PARD6B: variants seen among roughly 807,000 people sequenced by gnomAD.
PARD6B encodes partitioning defective 6 homolog beta.
A neutral mutation model predicts 10.5 loss-of-function variants in PARD6B; 4 were observed. The observed-to-expected ratio is 0.38, with a 90% confidence interval of 0.19 to 0.87. The LOEUF (loss-of-function observed/expected upper bound fraction) is 0.87. Among genes scored for constraint, PARD6B ranks in the 40% least tolerant of loss-of-function variants. The pLI, the probability that PARD6B is intolerant of heterozygous loss-of-function variation, is 0.41. For synonymous variants in PARD6B, 169 were observed against 170.4 expected (o/e 0.99, Z 0.07); for missense variants, 396 against 470.6 (o/e 0.84, Z 1.47).
At chr20:50,742,718 A>G in intron 2 of PARD6B, among the ~76,000 whole-genome samples, 1 of 152,152 alleles carries the variant, frequency 6.6e-6, no homozygotes, top group East Asian at 1.9e-4. Context: ...ATTTAAAACT[A>G]TGTGATCTTT....
Position 50,750,975 on chromosome 20 carries a change from T to TC in PARD6B, c.*487_*488insC. 1.9e-6 allele frequency: 1 copy of TC among 521,316 alleles called. No individual in the cohort carries two copies. Among genetic ancestry groups the TC allele is most frequent in the Non-Finnish European group, 2.4e-6 (1 of 419,458 alleles). The allele number at this position is 521,316 out of a possible 1,614,324, so 32.3% of individuals were successfully genotyped here. On this transcript the variant is annotated 3_prime_UTR_variant, in exon 3 of 3. Transcript: ENST00000371610. ...TTTGATTTTTTTTTTTTTTTTTTTTTTTTTTTTTTTTAGTGACTGGGTCTC... is the reference window on the plus strand; with the variant it reads ...TTTGATTTTTTTTTTTTTTTTTTTTTCTTTTTTTTTTTAGTGACTGGGTCTC...
In PARD6B at chr20:50,749,699, A is replaced by G; in HGVS notation, c.330A>G (p.Ile110Met). ...DYSAFGTDTLIKKKNVLTNVL... is the reference protein window; with the variant it reads ...DYSAFGTDTLMKKKNVLTNVL... The stretch of plus-strand genomic sequence containing the variant: ...GTGCCTTTGGTACAGACACGCTAAT[A>G]AAGAAGAAGAATGTTTTAACCAACG... The change falls in exon 3 of 3, where the codon ATA becomes ATG. Residue 110 changes from isoleucine (I) to methionine (M), a missense_variant. Transcript: ENST00000371610. 1 of 1,610,912 alleles carries G rather than the reference A, an allele frequency of 6.2e-7. No homozygotes were observed. The highest frequency in any genetic ancestry group is 1.1e-5 in the South Asian group (1 of 90,336).
chr20:50,753,483 A>C lies in PARD6B; in HGVS notation c.*2995A>C. ...GTGAATTTTGTTCTGTATCTTAAGT[A>C]AATTTATGATAATGTTCTCGAGCTA... On this transcript the variant is annotated 3_prime_UTR_variant, in exon 3 of 3. Coordinates refer to ENST00000371610, the MANE Select transcript of PARD6B (RefSeq NM_032521.3). The C allele has an allele frequency of 1.0e-6, 1 of 973,562 alleles. No individual in the cohort carries two copies. 60.3% of individuals were successfully genotyped at this position (973,562 alleles called of 1,614,324 possible).
Position 50,750,614 on chromosome 20 carries a change from T to TA in PARD6B, c.*127dup. ...CATGAGACGAGTAACGTTGCAAGCTTACAATATTATTAAAGTAGTAGTTTG... is the reference window on the plus strand; with the variant it reads ...CATGAGACGAGTAACGTTGCAAGCTTAACAATATTATTAAAGTAGTAGTTTG... On this transcript the variant is annotated 3_prime_UTR_variant, in exon 3 of 3. Coordinates refer to ENST00000371610, the MANE Select transcript of PARD6B (RefSeq NM_032521.3). 7.0e-7 allele frequency: 1 copy of TA among 1,428,898 alleles called. No homozygotes were observed. The highest frequency in any genetic ancestry group is 9.1e-7 in the Non-Finnish European group (1 of 1,095,740). The allele number at this position is 1,428,898 out of a possible 1,614,324, so 88.5% of individuals were successfully genotyped here.
rs565068464 is a variant in PARD6B, at chr20:50,750,954, A to ATTTTTT, written c.*493_*498dup. ...CTCATGTTCCCAATATTTTATTTTGATTTTTTTTTTTTTTTTTTTTTTTTT... is the reference window on the plus strand; with the variant it reads ...CTCATGTTCCCAATATTTTATTTTGATTTTTTTTTTTTTTTTTTTTTTTTTTTTTTT... On this transcript the variant is annotated 3_prime_UTR_variant, in exon 3 of 3. Transcript: ENST00000371610. The ATTTTTT allele has an allele frequency of 8.8e-4, 340 of 387,766 alleles. 23 individuals carry two copies. Among genetic ancestry groups the ATTTTTT allele is most frequent in the African/African-American group, 2.3e-3 (62 of 27,478 alleles). The allele number at this position is 387,766 out of a possible 1,614,324, so 24.0% of individuals were successfully genotyped here.
chr20:50,752,090 T>C lies in PARD6B; in HGVS notation c.*1602T>C. On this transcript the variant is annotated 3_prime_UTR_variant, in exon 3 of 3. Coordinates refer to ENST00000371610, the MANE Select transcript of PARD6B (RefSeq NM_032521.3). ...CTTTCATATTTTCAAATTAATTCTG[T>C]ATGGCTATATAATTTATGTTTTAAA... 1.0e-6 allele frequency: 1 copy of C among 984,928 alleles called. No homozygotes were observed. 61.0% of individuals were successfully genotyped at this position (984,928 alleles called of 1,614,324 possible). A position where few individuals can be genotyped will look rare whatever the true frequency, so the allele number is the denominator to read the frequency against.
At chr20:50,733,374 A>G (rs1026540897) in intron 1 of PARD6B, among the ~76,000 whole-genome samples, 3 of 152,110 alleles carry the variant, frequency 2.0e-5, no homozygotes, top group African/African-American at 7.2e-5. Context: ...CAGTGAGCCA[A>G]GTTTGCACCA....
intron 2 of PARD6B, among the ~76,000 whole-genome samples, chr20:50,738,677 A>G (rs1050658233): frequency 2.6e-5 from 4 of 152,238 alleles, no homozygotes; most frequent in Non-Finnish European, 2.9e-5. Context: ...GATACTTTTT[A>G]AAGAAATTGT....
Position 50,750,095 on chromosome 20 carries a change from C to T in PARD6B, c.726C>T (p.Leu242=), listed in dbSNP as rs767364748. Residue 242 remains leucine (L), a synonymous_variant, in exon 3 of 3, where the codon CTC becomes CTT. Transcript: ENST00000371610. ...TGATGATTGCAAATAGCCGTAACCT[C>T]ATCATAACAGTGAGACCGGCAAACC... ...TDMMIANSRN[L]IITVRPANQR... is the part of the protein sequence containing the mutation. 1.2e-6 allele frequency: 2 copies of T among 1,614,216 alleles called. No individual in the cohort carries two copies. The highest frequency in any genetic ancestry group is 1.7e-6 in the Non-Finnish European group (2 of 1,180,046).
At position 50,734,034 on chromosome 20, in the gene PARD6B, G is replaced by T. The variant is rs148509209; in HGVS notation, c.66+2182G>T. 3.9e-3 allele frequency among the ~76,000 whole-genome samples: 589 copies of T among 152,266 alleles called. 2 individuals are homozygous for T. The highest frequency in any genetic ancestry group is 0.013 in the African/African-American group (542 of 41,544). ...CCATACTGCACTTTCAGCTAACTGT[G>T]TCTTTTAAATAGAATCATACACTGA... is the stretch of plus-strand genomic sequence containing the variant. On this transcript the variant is annotated intron_variant, in intron 1 of 2. Transcript: ENST00000371610.
At position 50,752,156 on chromosome 20, in the gene PARD6B, T is replaced by G. The variant is rs905600409; in HGVS notation, c.*1668T>G. ...CTTTGGAAATATGGAAGTCTCTCCTTTAACCTATTCTTGTTCCCATTCCCA... is the reference window on the plus strand; with the variant it reads ...CTTTGGAAATATGGAAGTCTCTCCTGTAACCTATTCTTGTTCCCATTCCCA... On this transcript the variant is annotated 3_prime_UTR_variant, in exon 3 of 3. Coordinates refer to ENST00000371610, the MANE Select transcript of PARD6B (RefSeq NM_032521.3). The G allele has an allele frequency of 1.2e-5, 12 of 985,540 alleles. No homozygotes were observed. Among genetic ancestry groups the G allele is most frequent in the Non-Finnish European group, 1.4e-5 (12 of 829,764 alleles). The allele number at this position is 985,540 out of a possible 1,614,324, so 61.0% of individuals were successfully genotyped here.
At chr20:50,736,972 A>G (rs978687394) in intron 1 of PARD6B, among the ~76,000 whole-genome samples, 2 of 152,232 alleles carry the variant, frequency 1.3e-5, no homozygotes, top group Non-Finnish European at 2.9e-5. Flanking sequence ...TGCTGGGATT[A>G]CAGATGTGAG....
At chr20:50,743,854 A>C (rs1175324462) in intron 2 of PARD6B, among the ~76,000 whole-genome samples, 3 of 148,772 alleles carry the variant, frequency 2.0e-5, no homozygotes, top group Non-Finnish European at 4.4e-5. Flanking sequence ...GCGCCACTGC[A>C]CTCCAGCCTG....
At chr20:50,745,037 C>T (rs542065307) in intron 2 of PARD6B, among the ~76,000 whole-genome samples, 8 of 152,276 alleles carry the variant, frequency 5.3e-5, no homozygotes, top group Admixed American at 2.6e-4. Flanking sequence ...AGTCAGTGTT[C>T]GTTAAATATT....
Position 50,750,340 on chromosome 20 carries a change from A to G in PARD6B, c.971A>G (p.Glu324Gly). Residue 324 changes from glutamate (E) to glycine (G), a missense_variant, in exon 3 of 3, where the codon GAG becomes GGG. Glu to Gly is a moderately conservative substitution (Grantham distance 98). Coordinates refer to ENST00000371610, the MANE Select transcript of PARD6B (RefSeq NM_032521.3). ...TESLESLTQIELSFESGQNGF... is the reference protein window; with the variant it reads ...TESLESLTQIGLSFESGQNGF... Reference sequence around the variant, plus strand: ...AGCCTGGAGTCATTAACACAGATAGAGCTAAGCTTTGAGTCTGGACAGAAT... The same window carrying G: ...AGCCTGGAGTCATTAACACAGATAGGGCTAAGCTTTGAGTCTGGACAGAAT... The G allele has an allele frequency of 6.2e-7, 1 of 1,614,188 alleles. No homozygotes were observed. The highest frequency in any genetic ancestry group is 8.5e-7 in the Non-Finnish European group (1 of 1,180,028).
rs1040017299 is a variant in PARD6B at position 50,752,787 on chromosome 20, A to C, written c.*2299A>C. 1 of 976,626 alleles carries C rather than the reference A, an allele frequency of 1.0e-6. No individual in the cohort carries two copies. Among genetic ancestry groups the C allele is most frequent in the African/African-American group, 1.8e-5 (1 of 56,982 alleles). 60.5% of individuals were successfully genotyped at this position (976,626 alleles called of 1,614,324 possible). ...ATTACGTGAAGATCACTTGACTCAG[A>C]ATACTTCAATGTATTTTGTTCACAT... On this transcript the variant is annotated 3_prime_UTR_variant, in exon 3 of 3. Coordinates refer to ENST00000371610, the MANE Select transcript of PARD6B (RefSeq NM_032521.3).
rs962309741 is a variant in PARD6B at position 50,750,541 on chromosome 20, T to G, written c.*53T>G. On this transcript the variant is annotated 3_prime_UTR_variant, in exon 3 of 3. Coordinates refer to ENST00000371610, the MANE Select transcript of PARD6B (RefSeq NM_032521.3). ...AGGATGCCATGAGGACTTGTACATT[T>G]GGCTAGTTTAAAAGCATATATACCT... The G allele has an allele frequency of 1.3e-6, 2 of 1,555,860 alleles. No homozygotes were observed. The highest frequency in any genetic ancestry group is 1.7e-6 in the Non-Finnish European group (2 of 1,154,694).
intron 2 of PARD6B, among the ~76,000 whole-genome samples, chr20:50,739,322 C>T (rs1450532701): frequency 2.0e-5 from 3 of 152,054 alleles, no homozygotes; most frequent in Admixed American, 2.0e-4. Flanking sequence ...TGGCACATGT[C>T]TGTAATCCCA....
rs2087552750 is a variant in PARD6B, at chr20:50,744,390, AAGTGTGACCCACTGCACTGCGCT to A, written c.290-5268_290-5246del. 2.5e-4 allele frequency among the ~76,000 whole-genome samples: 38 copies of A among 152,160 alleles called. 1 individual carries two copies. In the South Asian group the frequency reaches 7.1e-3, roughly 28 times the overall value. ...CGGCCTGCCAAAGTGCTGGGATTAC[AAGTGTGACCCACTGCACTGCGCT>A]GGCTGCAGTAGCTTCTTGTCCTCCC... On this transcript the variant is annotated intron_variant, in intron 2 of 2. Transcript: ENST00000371610.
Sources: allele counts gnomAD v4.1 joint callset (sites outside exome capture counted in the v4.1 genomes callset), GRCh38; gene constraint gnomAD v4.1.1; transcripts MANE v1.5; gene names NCBI Gene and HGNC (gene_info 2026-07-23, HGNC 2026-07-21).